The following ASXL2 variants were observed in gnomAD, a reference collection of about 807,000 sequenced individuals.
ASXL2 encodes putative Polycomb group protein ASXL2.
A neutral mutation model predicts 122.0 loss-of-function variants in ASXL2; 23 were observed. The ratio of observed to expected loss-of-function variants is 0.19; its 90% CI spans 0.14 to 0.27. ASXL2 has a LOEUF of 0.27. Among genes scored for constraint, ASXL2 ranks in the 10% least tolerant of loss-of-function variants. ASXL2 has a pLI of 1.00. For missense variants in ASXL2, 1,518 were observed against 1,713.8 expected (o/e 0.89, Z 2.02); for synonymous variants, 650 against 637.0 (o/e 1.02, Z -0.31).
At chr2:25,753,416 T>C in intron 11 of ASXL2, 118 bp downstream of exon 11, 1 of 646,110 alleles carries the variant, frequency 1.5e-6, no homozygotes. Context: ...AAAAACAAAA[T>C]AAAACAAAAC....
At chr2:25,777,309 C>T (rs2088561795) in intron 5 of ASXL2, among the ~76,000 whole-genome samples, 1 of 151,668 alleles carries the variant, frequency 6.6e-6, no homozygotes, top group African/African-American at 2.4e-5. Context: ...CAGGCTTGTT[C>T]TAACTTTTAA....
At chr2:25,755,983 C>T (rs1267533785) in intron 10 of ASXL2, 35 bp downstream of exon 10, 2 of 1,533,518 alleles carry the variant, frequency 1.3e-6, no homozygotes, top group South Asian at 1.1e-5. Flanking sequence ...TGAGTGCACA[C>T]ACCACCTGGG....
Position 25,741,744 on chromosome 2 carries a change from C to G in ASXL2, c.*285G>C. ...AAAGTAATACATTATTACCTAAACA[C>G]TTGGAAAAATAATGTTAAACAAAAT... is the stretch of plus-strand genomic sequence containing the variant. On this transcript the variant is annotated 3_prime_UTR_variant, in exon 13 of 13. Transcript: ENST00000435504. 1 of 383,320 alleles carries G rather than the reference C, an allele frequency of 2.6e-6. No individual in the cohort carries two copies. Among genetic ancestry groups the G allele is most frequent in the South Asian group, 6.0e-5 (1 of 16,778 alleles). The allele number at this position is 383,320 out of a possible 1,614,324, so 23.7% of individuals were successfully genotyped here.
intron 1 of ASXL2, among the ~76,000 whole-genome samples, chr2:25,861,484 A>C (rs1408097498): frequency 6.6e-6 from 1 of 152,260 alleles, no homozygotes. Context: ...TAACCTTTCA[A>C]AACAGAAAGC....
At chr2:25,779,671 T>G (rs1362613743) in intron 5 of ASXL2, among the ~76,000 whole-genome samples, 1 of 152,204 alleles carries the variant, frequency 6.6e-6, no homozygotes, top group East Asian at 1.9e-4. Context: ...CATACTTGTT[T>G]GCTTTCTTAT....
chr2:25,864,100 A>C (rs2089871516), intron 1 of ASXL2, among the ~76,000 whole-genome samples: 1 of 152,122 alleles, frequency 6.6e-6, no homozygotes, highest in African/African-American at 2.4e-5. Context: ...GTAAGCAACA[A>C]AACAGGTATG....
chr2:25,856,715 A>G (rs1016347949), intron 1 of ASXL2: 2 of 1,295,470 alleles, frequency 1.5e-6, no homozygotes, highest in Non-Finnish European at 1.1e-6. Context: ...GGATCGATTC[A>G]GTCACCGAGC....
intron 1 of ASXL2, among the ~76,000 whole-genome samples, chr2:25,860,738 G>T (rs1360890532): frequency 0.021 from 1 of 48 alleles, no homozygotes; most frequent in Non-Finnish European, 0.056. Context: ...TCTATGCTGG[G>T]TGTGGTGCTC....
intron 5 of ASXL2, among the ~76,000 whole-genome samples, chr2:25,781,323 C>T (rs796110985): frequency 4.6e-5 from 7 of 151,960 alleles, no homozygotes; most frequent in South Asian, 2.1e-4. Context: ...CGTTTGAACC[C>T]GAGAGGCAGA....
At chr2:25,825,338 C>A (rs556911110) in intron 3 of ASXL2, among the ~76,000 whole-genome samples, 5 of 152,206 alleles carry the variant, frequency 3.3e-5, no homozygotes, top group Middle Eastern at 3.4e-3. Context: ...ATAAAATTTA[C>A]CATCTTACCT....
intron 1 of ASXL2, among the ~76,000 whole-genome samples, chr2:25,850,449 G>A (rs969370870): frequency 2.6e-5 from 4 of 152,108 alleles, no homozygotes; most frequent in Non-Finnish European, 4.4e-5. Flanking sequence ...TTTGCTAATC[G>A]TATGGTCCTC....
rs1217311360 is a variant in ASXL2, at chr2:25,756,053, G to A, written c.1001C>T (p.Ser334Leu). The A allele has an allele frequency of 6.2e-7, 1 of 1,613,148 alleles. No individual in the cohort carries two copies. Among genetic ancestry groups the A allele is most frequent in the East Asian group, 2.2e-5 (1 of 44,806 alleles). ...GSALNNEFFTSAAQGWKERLS... is the reference protein window; with the variant it reads ...GSALNNEFFTLAAQGWKERLS... Reference sequence around the variant, plus strand: ...TCTTTCCTTCCAGCCTTGGGCTGCTGAAGTGAAGAATTCATTGTTAAGGGC... The same window carrying A: ...TCTTTCCTTCCAGCCTTGGGCTGCTAAAGTGAAGAATTCATTGTTAAGGGC... The change falls in exon 10 of 13, where the codon TCA becomes TTA. Residue 334 changes from serine to leucine, a missense_variant. Around this residue, in one of 8 missense-constraint regions of ASXL2, gnomAD observed 92 missense variants for 156.6 expected, o/e 0.59. Coordinates refer to ENST00000435504, the MANE Select transcript of ASXL2 (RefSeq NM_018263.6).
At position 25,742,564 on chromosome 2, in the gene ASXL2, T is replaced by C; in HGVS notation, c.3773A>G (p.Glu1258Gly). Residue 1258 changes from glutamate to glycine, a missense_variant, in exon 13 of 13, where the codon GAA becomes GGA. Around this residue, in one of 8 missense-constraint regions of ASXL2, gnomAD observed 831 missense variants for 833.1 expected, o/e 1.00. Transcript: ENST00000435504. ...AATTAAATCTCTGGCTAGGGTCTTTTCATCAAATGTTTGGCCTCTAGTGAA... is the reference window on the plus strand; with the variant it reads ...AATTAAATCTCTGGCTAGGGTCTTTCCATCAAATGTTTGGCCTCTAGTGAA... Reference protein sequence around the residue: ...YLFTRGQTFDEKTLARDLIQA... With the variant: ...YLFTRGQTFDGKTLARDLIQA... 6.2e-7 allele frequency: 1 copy of C among 1,614,028 alleles called. No homozygotes were observed. The highest frequency in any genetic ancestry group is 8.5e-7 in the Non-Finnish European group (1 of 1,179,890).
At chr2:25,827,628 T>C (rs2089393477) in intron 3 of ASXL2, among the ~76,000 whole-genome samples, 2 of 152,228 alleles carry the variant, frequency 1.3e-5, no homozygotes, top group Admixed American at 6.5e-5. Context: ...ATTTGATTCA[T>C]CCACACTTCA....
At chr2:25,777,907 C>T (rs937121435) in intron 5 of ASXL2, among the ~76,000 whole-genome samples, 2 of 151,900 alleles carry the variant, frequency 1.3e-5, no homozygotes, top group Admixed American at 1.3e-4. Context: ...AATAAAAATA[C>T]AAAGATTTTA....
chr2:25,868,113 T>C (rs2089924595), intron 1 of ASXL2, among the ~76,000 whole-genome samples: 1 of 152,238 alleles, frequency 6.6e-6, no homozygotes, highest in African/African-American at 2.4e-5. Flanking sequence ...GTTACATCCA[T>C]TTCTTAAAAA....
chr2:25,844,550 T>G (rs896601505), intron 2 of ASXL2, among the ~76,000 whole-genome samples: 1 of 148,468 alleles, frequency 6.7e-6, no homozygotes, highest in Non-Finnish European at 1.5e-5. Flanking sequence ...CACTCCAGCC[T>G]GGGTGACAAA....
chr2:25,876,977 A>G (rs2090014563), intron 1 of ASXL2, among the ~76,000 whole-genome samples: 1 of 152,222 alleles, frequency 6.6e-6, no homozygotes, highest in Admixed American at 6.5e-5. Context: ...TAATATACCA[A>G]ATGTTAGCAG....
intron 5 of ASXL2, among the ~76,000 whole-genome samples, chr2:25,775,534 C>A (rs557462906): frequency 1.3e-5 from 2 of 152,136 alleles, no homozygotes; most frequent in Non-Finnish European, 1.5e-5. Context: ...GCTTCCCCCA[C>A]GTTGTTCTCG....
Sources: gnomAD v4.1 joint callset for allele counts (sites outside exome capture counted in the v4.1 genomes callset) on GRCh38, gnomAD v4.1.1 for gene constraint, gnomAD v4.1.1 regional missense constraint, MANE v1.5 for transcripts, NCBI Gene and HGNC (gene_info 2026-07-23, HGNC 2026-07-21) for gene names.